The following ZBTB8A variants were observed in gnomAD, a reference collection of about 807,000 sequenced individuals.
ZBTB8A encodes zinc finger and BTB domain containing 8A.
A neutral mutation model predicts 37.8 loss-of-function variants in ZBTB8A; 19 were observed. The observed-to-expected ratio is 0.50, with a 90% CI of 0.35 to 0.74. The LOEUF is 0.74. ZBTB8A is among the 30% of genes least tolerant of loss of function. The probability of loss-of-function intolerance (pLI) is 0.01; values close to 1 mark genes in which losing one functional copy is unlikely to be tolerated. For synonymous variants in ZBTB8A, 181 were observed against 185.2 expected, an observed-to-expected ratio of 0.98 and a Z score of 0.19; for missense variants, 394 against 537.8, an observed-to-expected ratio of 0.73 and a Z score of 2.65.
At chr1:32,584,790 G>A (rs946275196) in intron 2 of ZBTB8A, among the ~76,000 whole-genome samples, 26 of 151,600 alleles carry the variant, frequency 1.7e-4, no homozygotes, top group African/African-American at 3.4e-4. Context: ...AAAGTGCCGC[G>A]ATTAGAGGTG....
intron 1 of ZBTB8A, among the ~76,000 whole-genome samples, chr1:32,545,468 CA>C (rs1286969248): frequency 6.6e-6 from 1 of 152,144 alleles, no homozygotes; most frequent in African/African-American, 2.4e-5. Context: ...CCTCATTTTA[CA>C]AAAAGGAAAC....
intron 2 of ZBTB8A, among the ~76,000 whole-genome samples, chr1:32,591,201 T>G (rs577644927): frequency 2.7e-5 from 4 of 150,132 alleles, no homozygotes; most frequent in African/African-American, 9.8e-5. Context: ...GAGCCACCAC[T>G]CCCGGCCTAA....
At chr1:32,553,064 AT>A (rs761044528) in intron 1 of ZBTB8A, among the ~76,000 whole-genome samples, 83 of 144,968 alleles carry the variant, frequency 5.7e-4, no homozygotes, top group Middle Eastern at 3.6e-3. Context: ...CTCTTATATA[AT>A]TTTTTTTTTT....
At chr1:32,560,409 C>T (rs1644234293) in intron 2 of ZBTB8A, among the ~76,000 whole-genome samples, 1 of 152,238 alleles carries the variant, frequency 6.6e-6, no homozygotes, top group South Asian at 2.1e-4. Flanking sequence ...GCCTTCAGAA[C>T]TGTAATACAT....
chr1:32,548,471 A>G (rs1644124446), intron 1 of ZBTB8A, among the ~76,000 whole-genome samples: 1 of 152,042 alleles, frequency 6.6e-6, no homozygotes. Context: ...AGTAGCTGGG[A>G]TTACAGGCAC....
At chr1:32,572,176 A>G (rs1400831078) in intron 2 of ZBTB8A, among the ~76,000 whole-genome samples, 1 of 152,186 alleles carries the variant, frequency 6.6e-6, no homozygotes, top group African/African-American at 2.4e-5. Flanking sequence ...TCATAAAATG[A>G]GTTGAAAGTT....
At chr1:32,595,948 G>T (rs1407049553) in intron 4 of ZBTB8A, among the ~76,000 whole-genome samples, 1 of 151,326 alleles carries the variant, frequency 6.6e-6, no homozygotes, top group Non-Finnish European at 1.5e-5. Flanking sequence ...GTGAGCCACA[G>T]TACCTGGCCC....
At position 32,593,153 on chromosome 1, in the gene ZBTB8A, C is replaced by T. The variant is rs1557717217; in HGVS notation, c.222C>T (p.Asp74=). Residue 74 remains aspartate, a synonymous_variant, in exon 3 of 5, where the codon GAC becomes GAT. Coordinates refer to ENST00000373510, the MANE Select transcript of ZBTB8A (RefSeq NM_001040441.3). ...TTATFQAFSP[D]TFTVILDFVY... ...CTACATTTCAGGCTTTCTCCCCTGA[C>T]ACTTTTACAGTTATCTTGGACTTCG... 1.2e-6 allele frequency: 2 copies of T among 1,614,218 alleles called. No homozygotes were observed. Among genetic ancestry groups the T allele is most frequent in the Non-Finnish European group, 8.5e-7 (1 of 1,180,040 alleles).
intron 2 of ZBTB8A, among the ~76,000 whole-genome samples, chr1:32,573,937 G>A (rs994046891): frequency 2.6e-5 from 4 of 151,636 alleles, no homozygotes; most frequent in East Asian, 4.0e-4. Flanking sequence ...TTAGCCGGGT[G>A]TGGCAGCGCG....
chr1:32,592,406 G>A (rs1644496666), intron 2 of ZBTB8A, among the ~76,000 whole-genome samples: 1 of 151,830 alleles, frequency 6.6e-6, no homozygotes, highest in Admixed American at 6.6e-5. Context: ...CAGGCATGGT[G>A]GTGCACACCT....
At chr1:32,584,538 G>T (rs1644432273) in intron 2 of ZBTB8A, among the ~76,000 whole-genome samples, 2 of 126,814 alleles carry the variant, frequency 1.6e-5, no homozygotes, top group South Asian at 5.0e-4. Context: ...TTGAGATAGA[G>T]TCTGTCATTG....
rs1180993763 is a variant in ZBTB8A at position 32,603,309 on chromosome 1, T to C, written c.*2890T>C. 6.6e-6 allele frequency: 1 copy of C among 152,254 alleles called. No individual in the cohort carries two copies. Among genetic ancestry groups the C allele is most frequent in the Non-Finnish European group, 1.5e-5 (1 of 68,090 alleles). 9.4% of individuals were successfully genotyped at this position (152,254 alleles called of 1,614,324 possible). Reference sequence around the variant, plus strand: ...CATGCCTGGCTAATTTTTGTATTTTTAGTAGAGACAGGGTTTCGCTATGTT... The same window carrying C: ...CATGCCTGGCTAATTTTTGTATTTTCAGTAGAGACAGGGTTTCGCTATGTT... On this transcript the variant is annotated 3_prime_UTR_variant, in exon 5 of 5. Coordinates refer to ENST00000373510, the MANE Select transcript of ZBTB8A (RefSeq NM_001040441.3).
intron 2 of ZBTB8A, among the ~76,000 whole-genome samples, chr1:32,565,230 G>A (rs1340412713): frequency 6.6e-6 from 1 of 152,130 alleles, no homozygotes; most frequent in African/African-American, 2.4e-5. Flanking sequence ...GGAGACTGAG[G>A]TTGAAAGATT....
At chr1:32,544,772 C>T (rs552925207) in intron 1 of ZBTB8A, among the ~76,000 whole-genome samples, 1 of 152,180 alleles carries the variant, frequency 6.6e-6, no homozygotes, top group African/African-American at 2.4e-5. Flanking sequence ...ATGGGACCAC[C>T]GTCGTATATG....
intron 1 of ZBTB8A, among the ~76,000 whole-genome samples, chr1:32,545,547 TTTC>T (rs1329822293): frequency 2.0e-5 from 3 of 152,130 alleles, no homozygotes; most frequent in East Asian, 1.9e-4. Context: ...TAATCCTGTG[TTTC>T]TTCTTTTTAA....
At chr1:32,598,340 C>G (rs539834695) in intron 4 of ZBTB8A, among the ~76,000 whole-genome samples, 37 of 143,656 alleles carry the variant, frequency 2.6e-4, no homozygotes, top group African/African-American at 9.0e-4. Flanking sequence ...TCAAGTGATT[C>G]TCCTGCCTCA....
chr1:32,548,057 C>T (rs1303679806), intron 1 of ZBTB8A, among the ~76,000 whole-genome samples: 2 of 145,910 alleles, frequency 1.4e-5, no homozygotes, highest in South Asian at 4.5e-4. Flanking sequence ...CACTTGAACC[C>T]GGGAGGTAGA....
At chr1:32,569,862 A>G (rs1229245057) in intron 2 of ZBTB8A, among the ~76,000 whole-genome samples, 1 of 151,784 alleles carries the variant, frequency 6.6e-6, no homozygotes, top group Admixed American at 6.6e-5. Flanking sequence ...GTCTCAAGCA[A>G]TCCGTCCACC....
chr1:32,598,761 C>G (rs993249620), intron 4 of ZBTB8A, among the ~76,000 whole-genome samples: 2 of 152,152 alleles, frequency 1.3e-5, no homozygotes, highest in Non-Finnish European at 2.9e-5. Context: ...GCATTTCACA[C>G]ATGTTAACTC....
Sources: gnomAD v4.1 joint callset for allele counts (sites outside exome capture counted in the v4.1 genomes callset) on GRCh38, gnomAD v4.1.1 for gene constraint, MANE v1.5 for transcripts, NCBI Gene and HGNC (gene_info 2026-07-23, HGNC 2026-07-21) for gene names.